Variants in PALM2AKAP2 observed in about 807,000 individuals in gnomAD.
PALM2AKAP2 encodes PALM2 and AKAP2 fusion, also known as PALM2-AKAP2 fusion protein.
Under a neutral mutation model 71.5 loss-of-function variants are expected in PALM2AKAP2, and 37 were observed. The ratio of observed to expected loss-of-function variants is 0.52; its 90% confidence interval spans 0.40 to 0.68. PALM2AKAP2 has a LOEUF of 0.68. Ranked by LOEUF, PALM2AKAP2 falls within the 30% of genes least tolerant of loss-of-function variation. The pLI is 0.00. For missense variants in PALM2AKAP2, 1,224 were observed against 1,191.8 expected, an observed-to-expected ratio of 1.03 and a Z score of -0.40; for synonymous variants, 468 against 478.8, an observed-to-expected ratio of 0.98 and a Z score of 0.29.
chr9:110,082,751 G>A (rs1021837325), intron 1 of PALM2AKAP2, among the ~76,000 whole-genome samples: 7 of 152,342 alleles, frequency 4.6e-5, no homozygotes, highest in African/African-American at 1.7e-4. Context: ...ATACAGTTCA[G>A]TAGTGTTAAG....
At chr9:110,007,623 A>C (rs907618246) in intron 6 of PALM2AKAP2, among the ~76,000 whole-genome samples, 3 of 152,172 alleles carry the variant, frequency 2.0e-5, no homozygotes, top group South Asian at 2.1e-4. Flanking sequence ...TGACTATGCA[A>C]ACTTCTGCCT....
At chr9:109,691,101 A>G (rs1430650323) in intron 1 of PALM2AKAP2, among the ~76,000 whole-genome samples, 2 of 151,940 alleles carry the variant, frequency 1.3e-5, no homozygotes, top group Non-Finnish European at 2.9e-5. Context: ...ATCGCAGTAT[A>G]AGATTTGCAA....
At chr9:110,108,313 A>G (rs1400076300) in intron 1 of PALM2AKAP2, among the ~76,000 whole-genome samples, 4 of 151,944 alleles carry the variant, frequency 2.6e-5, no homozygotes, top group African/African-American at 9.7e-5. Context: ...GGTTTTCACC[A>G]TGTTGGCCAG....
intron 3 of PALM2AKAP2, among the ~76,000 whole-genome samples, chr9:109,906,811 A>G (rs1355272264): frequency 2.0e-5 from 3 of 152,168 alleles, no homozygotes; most frequent in Non-Finnish European, 2.9e-5. Context: ...AAACACATAA[A>G]CAGGCAGACA....
At chr9:109,666,950 A>T (rs1270802651) in intron 1 of PALM2AKAP2, among the ~76,000 whole-genome samples, 1 of 152,208 alleles carries the variant, frequency 6.6e-6, no homozygotes, top group Non-Finnish European at 1.5e-5. Context: ...AAATGTTTAG[A>T]AAGGATGTTG....
chr9:109,969,344 C>T lies in PALM2AKAP2; in HGVS notation c.496+37316C>T, dbSNP rs57012155. Among the ~76,000 whole-genome samples, 1,477 of 152,340 alleles carry T rather than the reference C, an allele frequency of 9.7e-3. 28 individuals are homozygous for T. Among genetic ancestry groups the T allele is most frequent in the African/African-American group, 0.034 (1,417 of 41,568 alleles). ...TCTCCTCTCGCCTGAAACAGTCTCC[C>T]GCTCTGTCCTAACCTTCCAGCATCT... is the stretch of plus-strand genomic sequence containing the variant. On this transcript the variant is annotated intron_variant, in intron 6 of 9. Transcript: ENST00000302798.
rs573804922 is a variant in PALM2AKAP2 at position 109,882,938 on chromosome 9, C to T, written c.257+2257C>T. On this transcript the variant is annotated intron_variant, in intron 3 of 9. Coordinates refer to the PALM2AKAP2 transcript ENST00000302798. ...TGTTGGGATTACAGGTGTGAACCAC[C>T]GTGTCCGTCCTATTCTGTTTTTCTT... Among the ~76,000 whole-genome samples the T allele has an allele frequency of 3.9e-5, 6 of 152,232 alleles. No individual in the cohort carries two copies. In the South Asian group the frequency reaches 6.2e-4, roughly 16 times the overall value.
intron 1 of PALM2AKAP2, among the ~76,000 whole-genome samples, chr9:109,759,604 A>G (rs939810769): frequency 6.6e-6 from 1 of 152,172 alleles, no homozygotes; most frequent in African/African-American, 2.4e-5. Context: ...CAACAGCAAC[A>G]ACAACAAAAA....
At chr9:110,004,763 C>T (rs988127852) in intron 6 of PALM2AKAP2, among the ~76,000 whole-genome samples, 1 of 152,188 alleles carries the variant, frequency 6.6e-6, no homozygotes, top group Non-Finnish European at 1.5e-5. Context: ...TCTCTTGTCA[C>T]TTCATTTCAT....
intron 1 of PALM2AKAP2, chr9:109,640,926 C>T: frequency 2.0e-6 from 3 of 1,475,684 alleles, no homozygotes; most frequent in East Asian, 2.7e-5. Flanking sequence ...CCATGGTGAC[C>T]GCGGCGGCAG....
At position 109,807,631 on chromosome 9, in the gene PALM2AKAP2, C is replaced by T. The variant is rs376282929; in HGVS notation, c.45+27098C>T. ...ATATAAACAAAGGTAGTGCTTTAAT[C>T]TATTGGGAAAAGGATGAATTATTTA... On this transcript the variant is annotated intron_variant, in intron 1 of 9. Transcript: ENST00000302798. Among the ~76,000 whole-genome samples, 267 of 150,666 alleles carry T rather than the reference C, an allele frequency of 1.8e-3. 1 individual carries two copies. Among genetic ancestry groups the T allele is most frequent in the African/African-American group, 5.6e-3 (230 of 40,984 alleles).
chr9:109,960,055 G>A (rs904613515), intron 6 of PALM2AKAP2, among the ~76,000 whole-genome samples: 9 of 151,982 alleles, frequency 5.9e-5, no homozygotes, highest in East Asian at 3.9e-4. Flanking sequence ...ACCCCCCTCC[G>A]CGAAACCTTA....
intron 1 of PALM2AKAP2, among the ~76,000 whole-genome samples, chr9:110,074,222 C>G (rs1171410630): frequency 6.6e-6 from 1 of 152,208 alleles, no homozygotes; most frequent in Non-Finnish European, 1.5e-5. Context: ...CATGATAGCT[C>G]ACACCTATAA....
intron 1 of PALM2AKAP2, among the ~76,000 whole-genome samples, chr9:110,058,754 A>G (rs1028503187): frequency 6.6e-6 from 1 of 152,020 alleles, no homozygotes; most frequent in African/African-American, 2.4e-5. Context: ...CTGGCCCAGA[A>G]CATCTGAAAA....
At chr9:109,724,915 T>A (rs551099238) in intron 1 of PALM2AKAP2, among the ~76,000 whole-genome samples, 1 of 152,096 alleles carries the variant, frequency 6.6e-6, no homozygotes, top group African/African-American at 2.4e-5. Context: ...AAAAAAACAG[T>A]GTTAAATGAA....
rs180965279 is a variant in PALM2AKAP2 at position 109,823,928 on chromosome 9, G to A, written c.45+43395G>A. 2.0e-4 allele frequency among the ~76,000 whole-genome samples: 31 copies of A among 152,176 alleles called. 1 individual carries two copies. The highest frequency in any genetic ancestry group is 1.0e-3 in the Admixed American group (16 of 15,302). On this transcript the variant is annotated intron_variant, in intron 1 of 9. Transcript: ENST00000302798. ...TTTTTAGACAGGATCTCACTCTGGC[G>A]CCCAGGCTGGGGTGCGGTGTTGTGA... is the stretch of plus-strand genomic sequence containing the variant.
chr9:109,969,569 G>A (rs1271027129), intron 6 of PALM2AKAP2, among the ~76,000 whole-genome samples: 1 of 152,210 alleles, frequency 6.6e-6, no homozygotes, highest in Non-Finnish European at 1.5e-5. Context: ...TCATGCAAAG[G>A]TGACATGCTC....
At chr9:109,732,116 T>C (rs961751386) in intron 1 of PALM2AKAP2, among the ~76,000 whole-genome samples, 1 of 152,214 alleles carries the variant, frequency 6.6e-6, no homozygotes, top group African/African-American at 2.4e-5. Context: ...TCAAATTACC[T>C]GCGTCATTAT....
intron 1 of PALM2AKAP2, among the ~76,000 whole-genome samples, chr9:109,699,019 A>AGAAATAAAGTT (rs1310115234): frequency 2.0e-5 from 3 of 152,252 alleles, no homozygotes; most frequent in African/African-American, 7.2e-5. Context: ...AAGAAATAGA[A>AGAAATAAAGTT]GAAATAAAGT....
Sources: allele counts gnomAD v4.1 joint callset (sites outside exome capture counted in the v4.1 genomes callset), GRCh38; gene constraint gnomAD v4.1.1; transcripts MANE v1.5; gene names NCBI Gene and HGNC (gene_info 2026-07-23, HGNC 2026-07-21).